Variants in FRMD8 observed in about 807,000 individuals in gnomAD.
FRMD8 encodes FERM domain containing 8, also known as FERM domain-containing protein 8.
Under a neutral mutation model 54.2 loss-of-function variants are expected in FRMD8, and 37 were observed. The observed-to-expected ratio is 0.68, with a 90% CI of 0.53 to 0.90. The LOEUF (loss-of-function observed/expected upper bound fraction) is 0.90. Ranked by LOEUF, FRMD8 falls within the 40% of genes least tolerant of loss-of-function variation. The probability of loss-of-function intolerance (pLI) is 0.00; values close to 1 mark genes in which losing one functional copy is unlikely to be tolerated. For missense variants in FRMD8, 585 were observed against 653.7 expected (o/e 0.89, Z 1.15); for synonymous variants, 246 against 286.9 (o/e 0.86, Z 1.44).
intron 3 of FRMD8, among the ~76,000 whole-genome samples, chr11:65,393,319 T>C (rs1171547314): frequency 2.0e-5 from 3 of 152,236 alleles, no homozygotes; most frequent in Admixed American, 6.5e-5. Context: ...ACTTAGTGGC[T>C]GGCTCTGCCT....
At chr11:65,407,793 A>T (rs1856236428) in intron 10 of FRMD8, among the ~76,000 whole-genome samples, 1 of 150,864 alleles carries the variant, frequency 6.6e-6, no homozygotes, top group Admixed American at 6.6e-5. Flanking sequence ...GCTACTCGGG[A>T]GAATGGCGTG....
upstream of FRMD8, chr11:65,382,157 C>A (rs921989227): frequency 1.6e-5 from 10 of 615,122 alleles, no homozygotes; most frequent in Non-Finnish European, 2.9e-5. This position sits in a 1 kb window ranked among gnomAD's most constrained non-coding sequence, Gnocchi z 4.4. Context: ...AGGAGTCGTG[C>A]AGAGTACAGT....
Position 65,400,928 on chromosome 11 carries a change from G to C in FRMD8, c.1071+61G>C. 6.6e-7 allele frequency: 1 copy of C among 1,507,110 alleles called. No individual in the cohort carries two copies. Among genetic ancestry groups the C allele is most frequent in the Non-Finnish European group, 8.9e-7 (1 of 1,123,738 alleles). The allele number at this position is 1,507,110 out of a possible 1,614,324, so 93.4% of individuals were successfully genotyped here. On this transcript the variant is annotated intron_variant, in intron 9 of 10. Transcript: ENST00000317568. The surrounding 1 kb of genome is among the most constrained non-coding windows in gnomAD (Gnocchi z 4.3). ...CTGGGCCCAGGTGCCCTGGGTCCCAGACAATTAGAGGCACCAGGCTGGCGG... is the reference window on the plus strand; with the variant it reads ...CTGGGCCCAGGTGCCCTGGGTCCCACACAATTAGAGGCACCAGGCTGGCGG...
At chr11:65,402,071 G>C (rs149589789) in intron 9 of FRMD8, among the ~76,000 whole-genome samples, 1 of 151,914 alleles carries the variant, frequency 6.6e-6, no homozygotes, top group Non-Finnish European at 1.5e-5. Flanking sequence ...TGAATTGGCC[G>C]GGCATGGTGG....
At chr11:65,388,196 A>G (rs367992952) in intron 2 of FRMD8, among the ~76,000 whole-genome samples, 4 of 151,246 alleles carry the variant, frequency 2.6e-5, no homozygotes, top group South Asian at 4.2e-4. Flanking sequence ...TCATATCATG[A>G]TCTTCATTTG....
the FRMD8 span, chr11:65,379,381 G>A: frequency 6.2e-7 from 1 of 1,608,948 alleles, no homozygotes; most frequent in Middle Eastern, 1.7e-4. Flanking sequence ...CTCACCTGCA[G>A]GAACCCCCCG....
the FRMD8 span, chr11:65,379,701 G>T: frequency 8.0e-7 from 1 of 1,249,082 alleles, no homozygotes; most frequent in Non-Finnish European, 1.1e-6. Flanking sequence ...GGGATGGGCT[G>T]AGGCTGCGCC....
At position 65,400,010 on chromosome 11, in the gene FRMD8, C is replaced by T. The variant is rs1395898255; in HGVS notation, c.927+151C>T. The T allele has an allele frequency of 3.2e-6, 3 of 925,682 alleles. No homozygotes were observed. Among genetic ancestry groups the T allele is most frequent in the Non-Finnish European group, 4.8e-6 (3 of 631,348 alleles). 57.3% of individuals were successfully genotyped at this position (925,682 alleles called of 1,614,324 possible). On this transcript the variant is annotated intron_variant, in intron 8 of 10. Coordinates refer to ENST00000317568, the MANE Select transcript of FRMD8 (RefSeq NM_031904.5). This position sits in a 1 kb window ranked among gnomAD's most constrained non-coding sequence, Gnocchi z 4.3. ...CCTCCGTTGGATGTCCTCGTAGCCC[C>T]TGAGGGTGATCCTGGGTCCTCTTGC...
At chr11:65,395,284 T>A (rs1590651731) in intron 6 of FRMD8, among the ~76,000 whole-genome samples, 1 of 150,722 alleles carries the variant, frequency 6.6e-6, no homozygotes, top group Non-Finnish European at 1.5e-5. Flanking sequence ...GGCTCACGCC[T>A]GTAATCCCAA....
chr11:65,388,086 C>T (rs991015143), intron 2 of FRMD8, among the ~76,000 whole-genome samples: 2 of 151,916 alleles, frequency 1.3e-5, no homozygotes, highest in African/African-American at 4.8e-5. Context: ...ATGACTTGAA[C>T]CTGAGAGGCG....
intron 7 of FRMD8, among the ~76,000 whole-genome samples, chr11:65,397,828 C>T (rs1855988603): frequency 6.6e-6 from 1 of 151,190 alleles, no homozygotes; most frequent in Admixed American, 6.6e-5. Flanking sequence ...CCTCCTGAGT[C>T]GCTGGGACCA....
At chr11:65,379,830 C>G in the FRMD8 span, 11 of 1,612,926 alleles carry the variant, frequency 6.8e-6, no homozygotes, top group Non-Finnish European at 9.3e-6. Context: ...GATGCCTCCC[C>G]GAAAGGGGAA....
upstream of FRMD8, chr11:65,381,859 C>T (rs760515351): frequency 3.1e-6 from 5 of 1,611,050 alleles, no homozygotes; most frequent in South Asian, 1.1e-5. Flanking sequence ...CCCATCTTCC[C>T]GAGGAAGTGA....
chr11:65,400,018 G>A lies in FRMD8; in HGVS notation c.927+159G>A. The stretch of plus-strand genomic sequence containing the variant: ...GGATGTCCTCGTAGCCCCTGAGGGT[G>A]ATCCTGGGTCCTCTTGCCCAACATG... On this transcript the variant is annotated intron_variant, in intron 8 of 10. Transcript: ENST00000317568. The surrounding 1 kb of genome is among the most constrained non-coding windows in gnomAD (Gnocchi z 4.3). 1 of 843,716 alleles carries A rather than the reference G, an allele frequency of 1.2e-6. No homozygotes were observed. 52.3% of individuals were successfully genotyped at this position (843,716 alleles called of 1,614,324 possible).
upstream of FRMD8, chr11:65,382,440 C>CGCT (rs777949655): frequency 2.6e-4 from 46 of 179,488 alleles, no homozygotes; most frequent in East Asian, 5.7e-3. This position sits in a 1 kb window ranked among gnomAD's most constrained non-coding sequence, Gnocchi z 4.4. Flanking sequence ...CCGCATTTGC[C>CGCT]GCTGCGTGGC....
chr11:65,396,773 T>C (rs758536909), intron 6 of FRMD8, 26 bp from the exon 7 acceptor site: 1 of 1,451,958 alleles, frequency 6.9e-7, no homozygotes, highest in Non-Finnish European at 9.1e-7. Context: ...GTTGGGCCGC[T>C]AGCACCTGTC....
chr11:65,376,400 G>T, the FRMD8 span: 12 of 1,610,824 alleles, frequency 7.4e-6, no homozygotes, highest in African/African-American at 1.1e-4. Context: ...TGGCATTGCC[G>T]CAGGGCTCAT....
At position 65,400,034 on chromosome 11, in the gene FRMD8, G is replaced by C; in HGVS notation, c.927+175G>C. 1.4e-6 allele frequency: 1 copy of C among 714,624 alleles called. No individual in the cohort carries two copies. The allele number at this position is 714,624 out of a possible 1,614,324, so 44.3% of individuals were successfully genotyped here. A position where few individuals can be genotyped will look rare whatever the true frequency, so the allele number is the denominator to read the frequency against. On this transcript the variant is annotated intron_variant, in intron 8 of 10. Coordinates refer to ENST00000317568, the MANE Select transcript of FRMD8 (RefSeq NM_031904.5). The surrounding 1 kb of genome is among the most constrained non-coding windows in gnomAD (Gnocchi z 4.3). ...CCTGAGGGTGATCCTGGGTCCTCTT[G>C]CCCAACATGCTAGGCTGTGGGGTGG... is the stretch of plus-strand genomic sequence containing the variant.
At chr11:65,377,414 G>A in the FRMD8 span, 2 of 1,175,552 alleles carry the variant, frequency 1.7e-6, no homozygotes, top group South Asian at 4.4e-5. Context: ...AAAGCCGGCA[G>A]TGAGCATACC....
Sources: allele counts gnomAD v4.1 joint callset (sites outside exome capture counted in the v4.1 genomes callset), GRCh38; gene constraint gnomAD v4.1.1; non-coding constraint Gnocchi (gnomAD v3.1); transcripts MANE v1.5; gene names NCBI Gene and HGNC (gene_info 2026-07-23, HGNC 2026-07-21).